The following CMTM4 variants were observed in gnomAD, a reference collection of about 807,000 sequenced individuals.
The protein encoded by CMTM4 is CKLF-like MARVEL transmembrane domain-containing protein 4.
A neutral mutation model predicts 19.0 loss-of-function variants in CMTM4; 8 were observed. That is an observed-to-expected ratio of 0.42 (90% confidence interval 0.25 to 0.76). CMTM4 has a LOEUF of 0.76. Among genes scored for constraint, CMTM4 ranks in the 30% least tolerant of loss-of-function variants. The pLI is 0.27. For missense variants in CMTM4, 228 were observed against 290.2 expected, an observed-to-expected ratio of 0.79 and a Z score of 1.56; for synonymous variants, 106 against 121.1, an observed-to-expected ratio of 0.88 and a Z score of 0.82.
At position 66,620,878 on chromosome 16, in the gene CMTM4, C is replaced by A. The variant is rs1166485264; in HGVS notation, c.*1180G>T. 1.0e-6 allele frequency: 1 copy of A among 985,654 alleles called. No homozygotes were observed. The highest frequency in any genetic ancestry group is 1.7e-5 in the African/African-American group (1 of 57,222). 61.1% of individuals were successfully genotyped at this position (985,654 alleles called of 1,614,324 possible). A position where few individuals can be genotyped will look rare whatever the true frequency, so the allele number is the denominator to read the frequency against. On this transcript the variant is annotated 3_prime_UTR_variant, in exon 4 of 4. Coordinates refer to ENST00000394106, the MANE Select transcript of CMTM4 (RefSeq NM_181521.3). ...CATGGGGACTCACTGAACTCATTCA[C>A]CACACACAATAATCTTCACTTTATC...
At chr16:66,602,428 C>A in the CMTM4 span, among the ~76,000 whole-genome samples, 1 of 152,092 alleles carries the variant, frequency 6.6e-6, no homozygotes, top group African/African-American at 2.4e-5. Flanking sequence ...TAGGTCCACA[C>A]GTGTTTGTGT....
rs1296987188 is a variant in CMTM4, at chr16:66,620,769, A to C, written c.*1289T>G. ...GTTTGTAAACATTAAAAACAGTTCA[A>C]AGAGGGAAAACCTGACAAACTAAAA... is the stretch of plus-strand genomic sequence containing the variant. On this transcript the variant is annotated 3_prime_UTR_variant, in exon 4 of 4. Transcript: ENST00000394106. 8.1e-6 allele frequency: 8 copies of C among 985,672 alleles called. No individual in the cohort carries two copies. 61.1% of individuals were successfully genotyped at this position (985,672 alleles called of 1,614,324 possible).
intron 1 of CMTM4, among the ~76,000 whole-genome samples, chr16:66,662,819 A>G (rs1327210498): frequency 6.6e-6 from 1 of 152,194 alleles, no homozygotes; most frequent in Admixed American, 6.5e-5. Context: ...AGAAAGAGGA[A>G]GCAAACCCAT....
chr16:66,617,197 A>G lies in CMTM4; in HGVS notation c.*4861T>C. On this transcript the variant is annotated 3_prime_UTR_variant, in exon 4 of 4. Transcript: ENST00000394106. ...AGCAAGTCACCTGAATTAAAGCCTC[A>G]GCATAAAAAAACAAACATAGACAAC... The G allele has an allele frequency of 7.1e-7, 1 of 1,402,344 alleles. No homozygotes were observed. The highest frequency in any genetic ancestry group is 1.3e-5 in the South Asian group (1 of 79,392). The allele number at this position is 1,402,344 out of a possible 1,614,324, so 86.9% of individuals were successfully genotyped here.
At chr16:66,680,845 T>G (rs1436023233) in intron 1 of CMTM4, among the ~76,000 whole-genome samples, 1 of 150,798 alleles carries the variant, frequency 6.6e-6, no homozygotes, top group Non-Finnish European at 1.5e-5. Flanking sequence ...CATTTAGTTA[T>G]GTCCTTTCCA....
At chr16:66,633,241 T>C (rs1349049958) in intron 2 of CMTM4, among the ~76,000 whole-genome samples, 4 of 151,366 alleles carry the variant, frequency 2.6e-5, no homozygotes, top group Middle Eastern at 3.5e-3. Flanking sequence ...TGTAGAAAAT[T>C]ATGCACTGTC....
intron 1 of CMTM4, among the ~76,000 whole-genome samples, chr16:66,680,982 G>C (rs1272187223): frequency 6.6e-6 from 1 of 151,958 alleles, no homozygotes; most frequent in Non-Finnish European, 1.5e-5. Flanking sequence ...TTCTAACCTA[G>C]AAATATCCAA....
intron 1 of CMTM4, among the ~76,000 whole-genome samples, chr16:66,680,707 G>A (rs946416563): frequency 5.0e-5 from 7 of 140,382 alleles, no homozygotes; most frequent in Admixed American, 3.1e-4. Flanking sequence ...CTGGGAGGCA[G>A]AGCTTGCAGT....
At chr16:66,609,290 G>A in the CMTM4 span, 3 of 673,464 alleles carry the variant, frequency 4.5e-6, no homozygotes, top group African/African-American at 5.4e-5. The surrounding 1 kb of genome is among the most constrained non-coding windows in gnomAD (Gnocchi z 4.4). Context: ...TGGGACAAGG[G>A]CCTAGGCATG....
chr16:66,661,888 G>T (rs1023431051), intron 1 of CMTM4, among the ~76,000 whole-genome samples: 3 of 151,988 alleles, frequency 2.0e-5, no homozygotes, highest in Admixed American at 2.0e-4. Flanking sequence ...AGCTGAGATC[G>T]CACCACTGCA....
chr16:66,642,274 G>A (rs553308870), intron 1 of CMTM4, among the ~76,000 whole-genome samples: 38 of 152,292 alleles, frequency 2.5e-4, no homozygotes, highest in Non-Finnish European at 3.5e-4. Flanking sequence ...CAAATGTCAC[G>A]TGAACAAATT....
intron 1 of CMTM4, among the ~76,000 whole-genome samples, chr16:66,639,348 T>C (rs533291358): frequency 1.3e-5 from 2 of 152,314 alleles, no homozygotes; most frequent in African/African-American, 4.8e-5. Context: ...ACACCTACAT[T>C]CTTAAATATT....
intron 1 of CMTM4, among the ~76,000 whole-genome samples, chr16:66,667,197 T>C (rs2016611883): frequency 6.6e-6 from 1 of 152,002 alleles, no homozygotes; most frequent in African/African-American, 2.4e-5. Flanking sequence ...TGGTGACACA[T>C]GCCTGTAATC....
chr16:66,655,646 T>C (rs1050357906), intron 1 of CMTM4, among the ~76,000 whole-genome samples: 7 of 151,802 alleles, frequency 4.6e-5, no homozygotes, highest in African/African-American at 1.7e-4. Context: ...ATACTACCAT[T>C]TTTCACTTAA....
chr16:66,619,632 T>C lies in CMTM4; in HGVS notation c.*2426A>G, dbSNP rs888820788. ...AATATAGGCGTCTTCATATTCACCTTGGATAACCCTATTCCCTCCAGAACT... is the reference window on the plus strand; with the variant it reads ...AATATAGGCGTCTTCATATTCACCTCGGATAACCCTATTCCCTCCAGAACT... On this transcript the variant is annotated 3_prime_UTR_variant, in exon 4 of 4. Coordinates refer to ENST00000394106, the MANE Select transcript of CMTM4 (RefSeq NM_181521.3). 2.0e-6 allele frequency: 2 copies of C among 985,276 alleles called. No individual in the cohort carries two copies. The highest frequency in any genetic ancestry group is 2.4e-6 in the Non-Finnish European group (2 of 829,932). The allele number at this position is 985,276 out of a possible 1,614,324, so 61.0% of individuals were successfully genotyped here.
chr16:66,661,510 C>T (rs973154486), intron 1 of CMTM4, among the ~76,000 whole-genome samples: 2 of 152,192 alleles, frequency 1.3e-5, no homozygotes, highest in African/African-American at 4.8e-5. Context: ...TTCATATTCA[C>T]AGGCAGAAAA....
intron 1 of CMTM4, among the ~76,000 whole-genome samples, chr16:66,694,093 GAGAAA>G (rs979897956): frequency 5.3e-5 from 8 of 151,832 alleles, no homozygotes; most frequent in African/African-American, 1.5e-4. Context: ...AAAGAGAAAA[GAGAAA>G]AGAAAAGAAA....
At chr16:66,676,229 ATACTTGCTCTT>A (rs57022892) in intron 1 of CMTM4, among the ~76,000 whole-genome samples, 7,314 of 152,042 alleles carry the variant, frequency 0.048, 283 homozygotes, top group Admixed American at 0.11. Context: ...AGTTGGTTAA[ATACTTGCTCTT>A]TACACAGAAC....
At chr16:66,687,890 T>C (rs1348432721) in intron 1 of CMTM4, among the ~76,000 whole-genome samples, 1 of 152,034 alleles carries the variant, frequency 6.6e-6, no homozygotes, top group Non-Finnish European at 1.5e-5. Context: ...GGTTTCACCG[T>C]GTTAGCCAGG....
Sources: allele counts gnomAD v4.1 joint callset (sites outside exome capture counted in the v4.1 genomes callset), GRCh38; gene constraint gnomAD v4.1.1; non-coding constraint Gnocchi (gnomAD v3.1); transcripts MANE v1.5; gene names NCBI Gene and HGNC (gene_info 2026-07-23, HGNC 2026-07-21).